Variants in DISP2 observed in about 807,000 individuals in gnomAD.
DISP2 encodes the protein protein dispatched homolog 2.
DISP2 carries 59 observed loss-of-function variants against 95.5 expected under a neutral mutation model. The ratio of observed to expected loss-of-function variants is 0.62; its 90% CI spans 0.50 to 0.77. The LOEUF is 0.77. DISP2 is among the 30% of genes least tolerant of loss of function. The pLI is 0.00. For synonymous variants in DISP2, 827 were observed against 815.0 expected, an observed-to-expected ratio of 1.01 and a Z score of -0.25; for missense variants, 1,752 against 1,854.6, an observed-to-expected ratio of 0.94 and a Z score of 1.02.
In DISP2 at chr15:40,370,420, G is replaced by A; in HGVS notation, c.*102G>A. ...CCGAAGGTATTTCTCCAGATCCACA[G>A]GGAGAGGTCTCACCCTCCAGCTGTG... On this transcript the variant is annotated 3_prime_UTR_variant, in exon 8 of 8. Coordinates refer to ENST00000267889, the MANE Select transcript of DISP2 (RefSeq NM_033510.3). 1 of 1,477,372 alleles carries A rather than the reference G, an allele frequency of 6.8e-7. No individual in the cohort carries two copies. The highest frequency in any genetic ancestry group is 9.0e-7 in the Non-Finnish European group (1 of 1,115,578). 91.5% of individuals were successfully genotyped at this position (1,477,372 alleles called of 1,614,324 possible). A position where few individuals can be genotyped will look rare whatever the true frequency, so the allele number is the denominator to read the frequency against.
rs867066882 is a variant in DISP2, at chr15:40,367,616, G to T, written c.1504G>T (p.Gly502Cys). 3 of 1,613,888 alleles carry T rather than the reference G, an allele frequency of 1.9e-6. No homozygotes were observed. The highest frequency in any genetic ancestry group is 2.5e-6 in the Non-Finnish European group (3 of 1,179,972). Residue 502 changes from glycine to cysteine, a missense_variant, in exon 8 of 8, where the codon GGC (glycine) becomes TGC (cysteine). Coordinates refer to ENST00000267889, the MANE Select transcript of DISP2 (RefSeq NM_033510.3). Reference protein sequence around the residue: ...PLLALVAIFFGMALYLRSLFL... With the variant: ...PLLALVAIFFCMALYLRSLFL... ...GCTGGCTCTGGTTGCCATCTTCTTC[G>T]GCATGGCCCTGTACCTGCGCTCACT...
At position 40,365,170 on chromosome 15, in the gene DISP2, G is replaced by C. The variant is rs1566914976; in HGVS notation, c.743G>C (p.Arg248Thr). ...LNSSSSHNTL[R>T]PAPRGSAQES... ...AGCTCGAGCTCCCACAACACTCTGA[G>C]GCCTGCACCCAGAGGCAGTGCCCAG... Residue 248 changes from arginine to threonine, a missense_variant, in exon 6 of 8, where the codon AGG becomes ACG. Arg to Thr is a moderately conservative substitution (Grantham distance 71, BLOSUM62 -1). Coordinates refer to ENST00000267889, the MANE Select transcript of DISP2 (RefSeq NM_033510.3). 6 of 1,614,010 alleles carry C rather than the reference G, an allele frequency of 3.7e-6. No homozygotes were observed. The African/African-American group carries it at 5.3e-5, about 14-fold the overall frequency.
Position 40,374,618 on chromosome 15 carries a change from C to CT in DISP2, c.*4309dup, listed in dbSNP as rs1360134731. On this transcript the variant is annotated 3_prime_UTR_variant, in exon 8 of 8. Transcript: ENST00000267889. The stretch of plus-strand genomic sequence containing the variant: ...TCGTCCAGAGAGTTTCTGATCTTTT[C>CT]TTTTTTTTTGAGACGGAGTCTTGCT... The CT allele has an allele frequency of 5.5e-5, 8 of 144,258 alleles. No individual in the cohort carries two copies. The highest frequency in any genetic ancestry group is 1.3e-4 in the African/African-American group (5 of 39,404). 8.9% of individuals were successfully genotyped at this position (144,258 alleles called of 1,614,324 possible).
chr15:40,360,623 G>A (rs1889391489), intron 1 of DISP2, among the ~76,000 whole-genome samples: 1 of 152,150 alleles, frequency 6.6e-6, no homozygotes, highest in Admixed American at 6.5e-5. Context: ...AGCCAGCTAA[G>A]GAAAAGGGTG....
chr15:40,365,432 G>A (rs1331403517), intron 6 of DISP2, among the ~76,000 whole-genome samples, 158 bp downstream of exon 6: 6 of 152,224 alleles, frequency 3.9e-5, no homozygotes, highest in African/African-American at 1.4e-4. Context: ...GGATAGGGGA[G>A]TTCTCAGATG....
At chr15:40,364,155 A>G (rs1255467004) in intron 2 of DISP2, 71 bp from the exon 3 acceptor site, 2 of 1,590,322 alleles carry the variant, frequency 1.3e-6, no homozygotes, top group Non-Finnish European at 1.7e-6. Context: ...CTCCCACCCC[A>G]CCTCCACCCC....
At position 40,365,192 on chromosome 15, in the gene DISP2, C is replaced by T; in HGVS notation, c.765C>T (p.Ala255=). The T allele has an allele frequency of 6.2e-7, 1 of 1,614,160 alleles. No individual in the cohort carries two copies. The highest frequency in any genetic ancestry group is 1.1e-5 in the South Asian group (1 of 91,080). ...TGAGGCCTGCACCCAGAGGCAGTGCCCAGGAGAGCGCTGTCCGGCCTCGGA... is the reference window on the plus strand; with the variant it reads ...TGAGGCCTGCACCCAGAGGCAGTGCTCAGGAGAGCGCTGTCCGGCCTCGGA... ...NTLRPAPRGS[A]QESAVRPRRM... is the part of the protein sequence containing the mutation. The change falls in exon 6 of 8, where the codon GCC becomes GCT. Residue 255 remains alanine, a synonymous_variant. Coordinates refer to ENST00000267889, the MANE Select transcript of DISP2 (RefSeq NM_033510.3).
At chr15:40,361,071 G>C (rs563364629) in intron 1 of DISP2, among the ~76,000 whole-genome samples, 1 of 152,312 alleles carries the variant, frequency 6.6e-6, no homozygotes, top group East Asian at 1.9e-4. Context: ...TTATCTGCCA[G>C]GACACTGGCT....
In DISP2 at chr15:40,368,115, T is replaced by C; in HGVS notation, c.2003T>C (p.Leu668Pro). Residue 668 changes from leucine (L) to proline (P), a missense_variant, in exon 8 of 8, where the codon CTA (leucine) becomes CCA (proline). By Grantham distance (98) the Leu-to-Pro change is moderately conservative. Coordinates refer to ENST00000267889, the MANE Select transcript of DISP2 (RefSeq NM_033510.3). ...GRWEGSAPRR[L>P]LLALHRRLRG... The stretch of plus-strand genomic sequence containing the variant: ...TGGGAGGGCAGCGCGCCCCGGCGGC[T>C]ACTGCTGGCGCTGCACCGGCGGCTC... 1.5e-6 allele frequency: 2 copies of C among 1,371,650 alleles called. No homozygotes were observed. Among genetic ancestry groups the C allele is most frequent in the Non-Finnish European group, 9.3e-7 (1 of 1,071,002 alleles). 85.0% of individuals were successfully genotyped at this position (1,371,650 alleles called of 1,614,324 possible).
At chr15:40,366,141 A>G (rs1300279324) in intron 7 of DISP2, among the ~76,000 whole-genome samples, 4 of 152,244 alleles carry the variant, frequency 2.6e-5, no homozygotes, top group African/African-American at 4.8e-5. Flanking sequence ...GCTGCTGAAA[A>G]TGGTGTGAAA....
rs1299170347 is a variant in DISP2 at position 40,358,435 on chromosome 15, G to A, written c.114G>A (p.Pro38=). 1 of 1,315,828 alleles carries A rather than the reference G, an allele frequency of 7.6e-7. No individual in the cohort carries two copies. The highest frequency in any genetic ancestry group is 4.1e-5 in the Admixed American group (1 of 24,656). The allele number at this position is 1,315,828 out of a possible 1,614,324, so 81.5% of individuals were successfully genotyped here. Residue 38 remains proline (P), a synonymous_variant, in exon 1 of 8, where the codon CCG becomes CCA. Transcript: ENST00000267889. ...CCTTGGCCCCAGACGGCGGCTCCCC[G>A]GACAGGTAGGGCGGACAGCTCCGCA... ...GEPLAPDGGS[P]DSTQTKAVPP... is the part of the protein sequence containing the mutation.
Position 40,370,613 on chromosome 15 carries a change from C to T in DISP2, c.*295C>T. ...ACCCCTCCTCTAGAAGTGGGGAAGG[C>T]CAGATGTGTAGCTTCGGGTATCAGA... is the stretch of plus-strand genomic sequence containing the variant. On this transcript the variant is annotated 3_prime_UTR_variant, in exon 8 of 8. Transcript: ENST00000267889. 1.6e-6 allele frequency: 1 copy of T among 614,576 alleles called. No individual in the cohort carries two copies. Among genetic ancestry groups the T allele is most frequent in the Non-Finnish European group, 3.0e-6 (1 of 330,890 alleles). 38.1% of individuals were successfully genotyped at this position (614,576 alleles called of 1,614,324 possible).
At chr15:40,364,796 C>G (rs1411729158) in intron 4 of DISP2, 42 bp from the exon 5 acceptor site, 10 of 1,587,340 alleles carry the variant, frequency 6.3e-6, no homozygotes, top group Non-Finnish European at 6.9e-6. Flanking sequence ...ATGGAGAACT[C>G]CTACCCTGCC....
chr15:40,360,054 T>C (rs2141258130), intron 1 of DISP2, among the ~76,000 whole-genome samples: 1 of 152,338 alleles, frequency 6.6e-6, no homozygotes, highest in Middle Eastern at 3.4e-3. Context: ...TTGCCCCTTA[T>C]GGGGCTTCCA....
rs1401372890 is a variant in DISP2, at chr15:40,369,128, C to T, written c.3016C>T (p.Leu1006Phe). 1.2e-6 allele frequency: 2 copies of T among 1,613,954 alleles called. No individual in the cohort carries two copies. The highest frequency in any genetic ancestry group is 1.7e-6 in the Non-Finnish European group (2 of 1,180,038). ...AGGCACCGTGCTGCTCACTGTAGGA[C>T]TCCTGGTTCTCCTCGAGTGGCAGCT... is the stretch of plus-strand genomic sequence containing the variant. ...VAGTVLLTVG[L>F]LVLLEWQLNT... The change falls in exon 8 of 8, where the codon CTC becomes TTC. Residue 1006 changes from leucine (L) to phenylalanine (F), a missense_variant. Leu to Phe is a conservative substitution (Grantham distance 22). This residue lies in a region of DISP2 where 317 missense variants were observed against 394.9 expected (regional missense o/e 0.80). Transcript: ENST00000267889.
rs1428961237 is a variant in DISP2, at chr15:40,370,077, A to G, written c.3965A>G (p.Asp1322Gly). ...GGTGTGTCCCCAGATGACCTGGATG[A>G]CACTGGGCAGCCAGTCCTTGAGCGA... ...SVGVSPDDLD[D>G]TGQPVLERGQ... The change falls in exon 8 of 8, where the codon GAC (aspartate) becomes GGC (glycine). Residue 1322 changes from aspartate to glycine, a missense_variant. By Grantham distance (94) the Asp-to-Gly change is moderately conservative. Transcript: ENST00000267889. 21 of 1,613,468 alleles carry G rather than the reference A, an allele frequency of 1.3e-5. No individual in the cohort carries two copies. Among genetic ancestry groups the G allele is most frequent in the Non-Finnish European group, 1.6e-5 (19 of 1,179,660 alleles).
In DISP2 at chr15:40,377,178, G is replaced by A. The variant is rs1251872974; in HGVS notation, c.*6860G>A. Reference sequence around the variant, plus strand: ...TCTCTACTAAAAATACAAAAAAATAGCTGGGCGTGGTGGCGGGCACCTGTA... The same window carrying A: ...TCTCTACTAAAAATACAAAAAAATAACTGGGCGTGGTGGCGGGCACCTGTA... On this transcript the variant is annotated 3_prime_UTR_variant, in exon 8 of 8. Coordinates refer to ENST00000267889, the MANE Select transcript of DISP2 (RefSeq NM_033510.3). 6.6e-6 allele frequency: 1 copy of A among 152,220 alleles called. No individual in the cohort carries two copies. Among genetic ancestry groups the A allele is most frequent in the African/African-American group, 2.4e-5 (1 of 41,406 alleles). 9.4% of individuals were successfully genotyped at this position (152,220 alleles called of 1,614,324 possible).
In DISP2 at chr15:40,376,059, C is replaced by T. The variant is rs1405234577; in HGVS notation, c.*5741C>T. On this transcript the variant is annotated 3_prime_UTR_variant, in exon 8 of 8. Transcript: ENST00000267889. ...TCTTTGAGAAAGTTCACAGGGGCAG[C>T]CCTGTGGCTCAGTTCTGTGCCTTCT... 1 of 152,112 alleles carries T rather than the reference C, an allele frequency of 6.6e-6. No homozygotes were observed. Among genetic ancestry groups the T allele is most frequent in the Non-Finnish European group, 1.5e-5 (1 of 68,034 alleles). 9.4% of individuals were successfully genotyped at this position (152,112 alleles called of 1,614,324 possible). A position where few individuals can be genotyped will look rare whatever the true frequency, so the allele number is the denominator to read the frequency against.
At position 40,375,024 on chromosome 15, in the gene DISP2, A is replaced by T. The variant is rs1889711447; in HGVS notation, c.*4706A>T. ...GATCCCATTTACCTGGTGATAGGAA[A>T]GACAGACATTCCTCACCCTTTCTAC... On this transcript the variant is annotated 3_prime_UTR_variant, in exon 8 of 8. Coordinates refer to ENST00000267889, the MANE Select transcript of DISP2 (RefSeq NM_033510.3). The T allele has an allele frequency of 6.6e-6, 1 of 152,242 alleles. No individual in the cohort carries two copies. Among genetic ancestry groups the T allele is most frequent in the Admixed American group, 6.5e-5 (1 of 15,286 alleles). 9.4% of individuals were successfully genotyped at this position (152,242 alleles called of 1,614,324 possible). A position where few individuals can be genotyped will look rare whatever the true frequency, so the allele number is the denominator to read the frequency against.
Sources: allele counts gnomAD v4.1 joint callset (sites outside exome capture counted in the v4.1 genomes callset), GRCh38; gene constraint gnomAD v4.1.1; regional missense constraint gnomAD v4.1.1; transcripts MANE v1.5; gene names NCBI Gene and HGNC (gene_info 2026-07-23, HGNC 2026-07-21).